The following PCDH11X variants were observed in gnomAD, a reference collection of about 807,000 sequenced individuals.
PCDH11X encodes protocadherin-11 X-linked.
In PCDH11X, 18 loss-of-function variants were observed where a neutral mutation model predicts 53.3. The ratio of observed to expected loss-of-function variants is 0.34; its 90% CI spans 0.23 to 0.50. The LOEUF (loss-of-function observed/expected upper bound fraction) is 0.50. Ranked by LOEUF, PCDH11X falls within the 20% of genes least tolerant of loss-of-function variation. The probability of loss-of-function intolerance (pLI) is 0.98; values close to 1 mark genes in which losing one functional copy is unlikely to be tolerated. For synonymous variants in PCDH11X, 279 were observed against 393.3 expected (o/e 0.71, Z 3.44); for missense variants, 570 against 1,032.4 (o/e 0.55, Z 6.14).
intron 10 of PCDH11X, among the ~76,000 whole-genome samples, chrX:92,492,634 G>A (rs1025421643): frequency 2.7e-5 from 3 of 109,146 alleles, no homozygotes; most frequent in African/African-American, 1.0e-4. Flanking sequence ...TCCCCCAGCT[G>A]GGTGCACAAT....
At chrX:92,610,415 A>T (rs1397380003) in intron 10 of PCDH11X, among the ~76,000 whole-genome samples, 2 of 109,268 alleles carry the variant, frequency 1.8e-5, no homozygotes, top group African/African-American at 6.7e-5. Context: ...GTGTCTGTTT[A>T]TATTTTTTGC....
At chrX:91,901,114 A>T in intron 6 of PCDH11X, among the ~76,000 whole-genome samples, 1 of 110,341 alleles carries the variant, frequency 9.1e-6, no homozygotes, top group Admixed American at 9.7e-5. Flanking sequence ...TAGGATCTTT[A>T]ACTATAAAAA....
chrX:92,508,475 C>A (rs2074107192), intron 10 of PCDH11X, among the ~76,000 whole-genome samples: 2 of 111,186 alleles, frequency 1.8e-5, no homozygotes, highest in Non-Finnish European at 3.8e-5. Flanking sequence ...CCTGCCTCAG[C>A]CTCCCAAAGT....
chrX:92,281,111 A>AT (rs2068242503), intron 8 of PCDH11X, among the ~76,000 whole-genome samples: 2 of 111,413 alleles, frequency 1.8e-5, no homozygotes, highest in South Asian at 7.6e-4. Flanking sequence ...ATTGAACTAA[A>AT]CAGACTAACA....
At chrX:92,216,965 G>C (rs1482379352) in intron 7 of PCDH11X, among the ~76,000 whole-genome samples, 1 of 109,607 alleles carries the variant, frequency 9.1e-6, no homozygotes, top group East Asian at 2.9e-4. Flanking sequence ...CTTCATAAGT[G>C]AAGGAGAAAT....
At chrX:91,811,353 G>C in intron 4 of PCDH11X, 58 bp downstream of exon 4, 1 of 1,006,200 alleles carries the variant, frequency 9.9e-7, no homozygotes. Flanking sequence ...GTCTTTTCAG[G>C]AGTAGTAATT....
intron 8 of PCDH11X, among the ~76,000 whole-genome samples, chrX:92,285,707 A>G (rs2068354867): frequency 1.8e-5 from 2 of 111,109 alleles, no homozygotes; most frequent in Admixed American, 1.9e-4. Flanking sequence ...ATAGCCATTA[A>G]TTAAAGATTG....
At chrX:92,585,464 C>T (rs370216785) in intron 10 of PCDH11X, among the ~76,000 whole-genome samples, 1 of 106,859 alleles carries the variant, frequency 9.4e-6, no homozygotes, top group Non-Finnish European at 1.9e-5. Context: ...CTCCGCCTCC[C>T]GGGTTCATGC....
intron 9 of PCDH11X, among the ~76,000 whole-genome samples, chrX:92,416,878 G>C (rs1208082913): frequency 2.7e-5 from 3 of 111,753 alleles, no homozygotes; most frequent in Non-Finnish European, 3.8e-5. Flanking sequence ...ATGAATAAAA[G>C]TTGTACGTTA....
intron 7 of PCDH11X, 75 bp downstream of exon 7, chrX:92,201,530 T>A: frequency 1.6e-6 from 1 of 616,865 alleles, no homozygotes; most frequent in Non-Finnish European, 2.5e-6. Flanking sequence ...GGAATACTCT[T>A]AAGTAGTGTG....
chrX:91,782,473 T>TA (rs1312703498), intron 1 of PCDH11X, among the ~76,000 whole-genome samples: 1 of 109,205 alleles, frequency 9.2e-6, no homozygotes, highest in Admixed American at 9.7e-5. Flanking sequence ...CCTCGGGTGA[T>TA]AAAAAAGATG....
intron 9 of PCDH11X, among the ~76,000 whole-genome samples, chrX:92,453,137 T>C (rs1188897092): frequency 2.8e-5 from 3 of 105,596 alleles, no homozygotes; most frequent in Non-Finnish European, 5.8e-5. Flanking sequence ...TATGCAGTAT[T>C]AAATATTAAT....
At chrX:92,284,863 C>T (rs1443917848) in intron 8 of PCDH11X, among the ~76,000 whole-genome samples, 3 of 111,669 alleles carry the variant, frequency 2.7e-5, no homozygotes, top group Non-Finnish European at 3.8e-5. Flanking sequence ...ATTATATTAT[C>T]ACATATGGGA....
At chrX:92,158,989 G>T (rs1396689891) in intron 6 of PCDH11X, among the ~76,000 whole-genome samples, 1 of 111,739 alleles carries the variant, frequency 8.9e-6, no homozygotes, top group Non-Finnish European at 1.9e-5. Context: ...TGTCTGCATT[G>T]TTCTGCACTG....
intron 6 of PCDH11X, among the ~76,000 whole-genome samples, chrX:92,049,448 G>C (rs1270722091): frequency 2.8e-5 from 3 of 109,062 alleles, no homozygotes; most frequent in Non-Finnish European, 5.7e-5. Flanking sequence ...ATTTGGGCAA[G>C]ATAAAAAAAA....
intron 10 of PCDH11X, among the ~76,000 whole-genome samples, chrX:92,611,632 C>T (rs1215642802): frequency 9.4e-6 from 1 of 106,132 alleles, no homozygotes; most frequent in African/African-American, 3.5e-5. Flanking sequence ...AATAGGAGTA[C>T]TGAAGATGGG....
intron 7 of PCDH11X, among the ~76,000 whole-genome samples, chrX:92,240,736 G>A (rs1303185720): frequency 9.0e-6 from 1 of 111,122 alleles, no homozygotes; most frequent in South Asian, 3.7e-4. Context: ...TAATTATTTG[G>A]TCAACTTTCC....
At chrX:91,800,162 C>G (rs1448398479) in intron 1 of PCDH11X, among the ~76,000 whole-genome samples, 1 of 110,592 alleles carries the variant, frequency 9.0e-6, no homozygotes, top group Admixed American at 9.7e-5. Flanking sequence ...TCCTTCTACT[C>G]TCTTTTTTCC....
intron 6 of PCDH11X, among the ~76,000 whole-genome samples, chrX:91,929,441 G>A (rs1166014476): frequency 9.1e-6 from 1 of 110,308 alleles, no homozygotes; most frequent in Non-Finnish European, 1.9e-5. Context: ...TGTTATTCAG[G>A]TAAGGAAATC....
Sources: allele counts gnomAD v4.1 joint callset (sites outside exome capture counted in the v4.1 genomes callset), GRCh38; gene constraint gnomAD v4.1.1; transcripts MANE v1.5; gene names NCBI Gene and HGNC (gene_info 2026-07-23, HGNC 2026-07-21).